Variants in PRXL2A observed in about 807,000 individuals in gnomAD.
PRXL2A encodes the protein peroxiredoxin-like 2A.
Under a neutral mutation model 25.6 loss-of-function variants are expected in PRXL2A, and 26 were observed. The ratio of observed to expected loss-of-function variants is 1.02; its 90% CI spans 0.74 to 1.41. The LOEUF (loss-of-function observed/expected upper bound fraction) is 1.41. PRXL2A is among the 40% of genes most tolerant of loss of function. The pLI, the probability that PRXL2A is intolerant of heterozygous loss-of-function variation, is 0.00. For missense variants in PRXL2A, 246 were observed against 273.9 expected (o/e 0.90, Z 0.72); for synonymous variants, 98 against 102.9 (o/e 0.95, Z 0.29).
chr10:80,427,685 TA>T (rs1845097372), intron 5 of PRXL2A, among the ~76,000 whole-genome samples, 189 bp downstream of exon 5: 1 of 152,224 alleles, frequency 6.6e-6, no homozygotes, highest in Non-Finnish European at 1.5e-5. Context: ...TCTCTGCTAG[TA>T]CCTCATACTT....
intron 1 of PRXL2A, chr10:80,413,801 G>T (rs929572147): frequency 6.6e-6 from 7 of 1,064,252 alleles, no homozygotes; most frequent in Non-Finnish European, 8.0e-6. Context: ...TCCCCTTGCC[G>T]CCTGCCCAGG....
At chr10:80,420,750 TAAC>T (rs1257519634) in intron 2 of PRXL2A, 105 bp downstream of exon 2, 5 of 850,948 alleles carry the variant, frequency 5.9e-6, no homozygotes, top group Non-Finnish European at 8.3e-6. Flanking sequence ...AAAGATAATA[TAAC>T]AACATTAGGA....
chr10:80,420,007 T>C (rs1564690851), intron 1 of PRXL2A: 1 of 985,646 alleles, frequency 1.0e-6, no homozygotes, highest in Non-Finnish European at 1.2e-6. Context: ...AAGTATCCTC[T>C]GATCACAGAA....
At chr10:80,415,955 T>C (rs1844646621) in intron 1 of PRXL2A, among the ~76,000 whole-genome samples, 1 of 152,206 alleles carries the variant, frequency 6.6e-6, no homozygotes. Context: ...AACTGGTCTT[T>C]GTATACTGAC....
intron 1 of PRXL2A, chr10:80,419,870 T>C (rs891053026): frequency 2.0e-6 from 1 of 507,130 alleles, no homozygotes; most frequent in African/African-American, 2.1e-5. Context: ...TGCCTGCCTA[T>C]AATGAATGAG....
rs1237068614 is a variant in PRXL2A at position 80,436,581 on chromosome 10, AG to A, written c.*4484del. The A allele has an allele frequency of 3.3e-5, 5 of 152,276 alleles. No homozygotes were observed. Among genetic ancestry groups the A allele is most frequent in the African/African-American group, 1.2e-4 (5 of 41,444 alleles). 9.4% of individuals were successfully genotyped at this position (152,276 alleles called of 1,614,324 possible). On this transcript the variant is annotated 3_prime_UTR_variant, in exon 6 of 6. Coordinates refer to ENST00000606162, the MANE Select transcript of PRXL2A (RefSeq NM_032333.5). ...ATCATCTCTGATAACTTTAAAAGGA[AG>A]GCCTCAGAAGCAGCCCCAGAAGCAA...
chr10:80,414,553 A>C (rs1844587457), intron 1 of PRXL2A, among the ~76,000 whole-genome samples: 1 of 152,190 alleles, frequency 6.6e-6, no homozygotes, highest in South Asian at 2.1e-4. Flanking sequence ...TCCAGGACCG[A>C]CTTCTTTCTT....
intron 5 of PRXL2A, among the ~76,000 whole-genome samples, chr10:80,430,344 T>A (rs976839459): frequency 3.9e-5 from 6 of 152,234 alleles, no homozygotes; most frequent in African/African-American, 1.4e-4. Flanking sequence ...TCAAGTGATC[T>A]ATCCACATTG....
chr10:80,424,511 G>A lies in PRXL2A; in HGVS notation c.271-1355G>A, dbSNP rs1844972029. Among the ~76,000 whole-genome samples the A allele has an allele frequency of 6.0e-5, 9 of 149,966 alleles. No individual in the cohort carries two copies. In the South Asian group the frequency reaches 1.9e-3, roughly 32 times the overall value. On this transcript the variant is annotated intron_variant, in intron 3 of 5. Coordinates refer to ENST00000606162, the MANE Select transcript of PRXL2A (RefSeq NM_032333.5). ...AGGGAGGAAGATTGCTTGAGCCCAG[G>A]AGTTCAGGGCTACAATGAGCTATGA... is the stretch of plus-strand genomic sequence containing the variant.
chr10:80,411,992 C>A (rs1844492323), intron 1 of PRXL2A, among the ~76,000 whole-genome samples: 1 of 152,170 alleles, frequency 6.6e-6, no homozygotes, highest in Non-Finnish European at 1.5e-5. Flanking sequence ...TCAGTTCCTG[C>A]CCAGAGGCAG....
chr10:80,433,566 A>G lies in PRXL2A; in HGVS notation c.*1467A>G, dbSNP rs1322911636. The G allele has an allele frequency of 6.6e-6, 1 of 152,318 alleles. No homozygotes were observed. Among genetic ancestry groups the G allele is most frequent in the Non-Finnish European group, 1.5e-5 (1 of 68,092 alleles). The allele number at this position is 152,318 out of a possible 1,614,324, so 9.4% of individuals were successfully genotyped here. A position where few individuals can be genotyped will look rare whatever the true frequency, so the allele number is the denominator to read the frequency against. ...AAGTAGGAGAGCATCGGGATTGAGT[A>G]TGCAGAGTGAGTTAGGGTTGAGTGG... On this transcript the variant is annotated 3_prime_UTR_variant, in exon 6 of 6. Coordinates refer to ENST00000606162, the MANE Select transcript of PRXL2A (RefSeq NM_032333.5).
Position 80,429,995 on chromosome 10 carries a change from G to A in PRXL2A, c.577-1991G>A, listed in dbSNP as rs560868595. Among the ~76,000 whole-genome samples, 3 of 152,222 alleles carry A rather than the reference G, an allele frequency of 2.0e-5. No homozygotes were observed. The South Asian group carries it at 6.2e-4, about 32-fold the overall frequency. The stretch of plus-strand genomic sequence containing the variant: ...GCCCCTGGCCTTCATTCTCCTAGGC[G>A]GAAGGTTAACTGGCTAGCTGAACTT... On this transcript the variant is annotated intron_variant, in intron 5 of 5. Coordinates refer to ENST00000606162, the MANE Select transcript of PRXL2A (RefSeq NM_032333.5).
At chr10:80,413,838 T>A in intron 1 of PRXL2A, 1 of 1,197,668 alleles carries the variant, frequency 8.3e-7, no homozygotes, top group Non-Finnish European at 1.1e-6. Flanking sequence ...TGGATATACT[T>A]CTTTGTCAAG....
In PRXL2A at chr10:80,411,569, G is replaced by A. The variant is rs116427948; in HGVS notation, c.-3+2926G>A. ...GGGAGACCCAAACCTGAGTCCCAGT[G>A]CAGCCACTGACAACCTGCCCTGCCC... On this transcript the variant is annotated intron_variant, in intron 1 of 5. Transcript: ENST00000606162. 8.3e-3 allele frequency among the ~76,000 whole-genome samples: 1,257 copies of A among 152,356 alleles called. 13 individuals are homozygous for A. Among genetic ancestry groups the A allele is most frequent in the African/African-American group, 0.029 (1,199 of 41,582 alleles).
chr10:80,429,457 C>T (rs1005653233), intron 5 of PRXL2A, among the ~76,000 whole-genome samples: 2 of 152,120 alleles, frequency 1.3e-5, no homozygotes, highest in Non-Finnish European at 2.9e-5. Flanking sequence ...GCCAAAGACA[C>T]AGCTAAGTGG....
In PRXL2A at chr10:80,435,980, T is replaced by G. The variant is rs1361253422; in HGVS notation, c.*3881T>G. On this transcript the variant is annotated 3_prime_UTR_variant, in exon 6 of 6. Transcript: ENST00000606162. The stretch of plus-strand genomic sequence containing the variant: ...GAAATGCAAGAAAATTCAAAGAACG[T>G]AAGAAAATGTCCTTGCTGTAAAGCT... 1.3e-5 allele frequency: 2 copies of G among 152,136 alleles called. No individual in the cohort carries two copies. Among genetic ancestry groups the G allele is most frequent in the Admixed American group, 1.3e-4 (2 of 15,284 alleles). 9.4% of individuals were successfully genotyped at this position (152,136 alleles called of 1,614,324 possible).
upstream of PRXL2A, chr10:80,407,969 G>T (rs1844329629): frequency 6.6e-6 from 1 of 152,132 alleles, no homozygotes; most frequent in Non-Finnish European, 1.5e-5. Flanking sequence ...AAGTGGATGA[G>T]CGGTGTGTGA....
At chr10:80,429,282 A>G (rs935881289) in intron 5 of PRXL2A, among the ~76,000 whole-genome samples, 15 of 152,178 alleles carry the variant, frequency 9.9e-5, no homozygotes, top group Non-Finnish European at 2.2e-4. Context: ...TTTCTGGTAA[A>G]TCTGTCAAAG....
Position 80,420,598 on chromosome 10 carries a change from C to T in PRXL2A, c.131C>T (p.Ala44Val), listed in dbSNP as rs770934321. 51 of 1,613,528 alleles carry T rather than the reference C, an allele frequency of 3.2e-5. No individual in the cohort carries two copies. Among genetic ancestry groups the T allele is most frequent in the South Asian group, 5.5e-5 (5 of 90,908 alleles). Residue 44 changes from alanine to valine, a missense_variant, in exon 2 of 6, where the codon GCG becomes GTG. Coordinates refer to ENST00000606162, the MANE Select transcript of PRXL2A (RefSeq NM_032333.5). ...GTGTTTCTGTCCAAGCCCCAGAAAG[C>T]GGCCCTGGAGTACCTGGAGGATATA... is the stretch of plus-strand genomic sequence containing the variant. The part of the protein sequence containing the change: ...TDVFLSKPQK[A>V]ALEYLEDIDL...
Sources: allele counts gnomAD v4.1 joint callset (sites outside exome capture counted in the v4.1 genomes callset), GRCh38; gene constraint gnomAD v4.1.1; transcripts MANE v1.5; gene names NCBI Gene and HGNC (gene_info 2026-07-23, HGNC 2026-07-21).